The following PLB1 variants were observed in gnomAD, a reference collection of about 807,000 sequenced individuals.
PLB1 encodes phospholipase B1, membrane-associated.
PLB1 carries 242 observed loss-of-function variants against 227.4 expected under a neutral mutation model. The observed-to-expected ratio is 1.06, with a 90% CI of 0.96 to 1.18. PLB1 has a LOEUF of 1.18. Ranked by LOEUF, PLB1 falls within the 50% of genes most tolerant of loss-of-function variation. The pLI is 0.00. For missense variants in PLB1, 1,858 were observed against 1,816.3 expected (o/e 1.02, Z -0.42); for synonymous variants, 757 against 682.2 (o/e 1.11, Z -1.71).
chr2:28,524,844 C>CTTTTTTTT (rs779955635), intron 4 of PLB1, among the ~76,000 whole-genome samples: 2 of 106,598 alleles, frequency 1.9e-5, no homozygotes, highest in African/African-American at 3.9e-5. Flanking sequence ...CTCTCTCTCT[C>CTTTTTTTT]TTTTTTTTTT....
At chr2:28,601,469 CCA>C (rs3071740) in intron 37 of PLB1, 137 bp downstream of exon 37, 46,833 of 564,378 alleles carry the variant, frequency 0.083, 313 homozygotes, top group African/African-American at 0.12. Context: ...TATACACATA[CCA>C]CACACACACA....
chr2:28,550,020 A>G lies in PLB1; in HGVS notation c.1019A>G (p.Tyr340Cys), dbSNP rs77183296. ...PMKCPSQESP[Y>C]LFSYRNSNYL... ...CACCTTTCCCTGCAGGAGAGCCCCTATCTGTTCAGCTACAGAAACAGCAAC... is the reference window on the plus strand; with the variant it reads ...CACCTTTCCCTGCAGGAGAGCCCCTGTCTGTTCAGCTACAGAAACAGCAAC... Residue 340 changes from tyrosine (Y) to cysteine (C), a missense_variant, in exon 16 of 58, where the codon TAT becomes TGT. Tyr to Cys is a radical substitution (Grantham distance 194). Transcript: ENST00000327757. 1.3e-3 allele frequency: 2,129 copies of G among 1,612,902 alleles called. 24 individuals carry two copies. The African/African-American group carries it at 0.025, about 19-fold the overall frequency.
chr2:28,506,716 A>G, intron 1 of PLB1, among the ~76,000 whole-genome samples: 1 of 152,112 alleles, frequency 6.6e-6, no homozygotes, highest in East Asian at 1.9e-4. Flanking sequence ...CGCAAGTGGT[A>G]TTTTGGGCAA....
chr2:28,577,844 G>A (rs749956349), intron 21 of PLB1, among the ~76,000 whole-genome samples: 7 of 152,102 alleles, frequency 4.6e-5, no homozygotes, highest in Non-Finnish European at 1.0e-4. Context: ...CATCTCAGGG[G>A]AAACAAAAAG....
rs763545978 is a variant in PLB1, at chr2:28,566,803, G to A, written c.1288G>A (p.Gly430Arg). Residue 430 changes from glycine (G) to arginine (R), a missense_variant, in exon 20 of 58, where the codon GGA becomes AGA. Coordinates refer to ENST00000327757, the MANE Select transcript of PLB1 (RefSeq NM_153021.5). ...QYRGLSWSVG[G>R]DENIGTVTTL... is the part of the protein sequence containing the mutation. ...CTTGGACCCACGTTACAGCGTCGGC[G>A]GAGATGAGAACATCGGCACCGTTAC... 1.2e-5 allele frequency: 19 copies of A among 1,614,148 alleles called. No individual in the cohort carries two copies. The East Asian group carries it at 3.3e-4, about 28-fold the overall frequency.
chr2:28,583,086 C>T (rs909693744), intron 25 of PLB1, among the ~76,000 whole-genome samples: 16 of 152,328 alleles, frequency 1.1e-4, no homozygotes, highest in Non-Finnish European at 1.0e-4. Flanking sequence ...GACGTCTTCA[C>T]CCCTCAGCCT....
intron 26 of PLB1, among the ~76,000 whole-genome samples, chr2:28,588,285 G>A (rs909520064): frequency 2.0e-5 from 3 of 152,120 alleles, no homozygotes; most frequent in African/African-American, 7.2e-5. Flanking sequence ...CTTAAGAGAT[G>A]GCCCAGGACT....
At chr2:28,553,766 A>G (rs1371634894) in intron 17 of PLB1, among the ~76,000 whole-genome samples, 2 of 152,180 alleles carry the variant, frequency 1.3e-5, no homozygotes, top group Non-Finnish European at 2.9e-5. Context: ...AGGATTGTTG[A>G]GTGCCTCCTT....
intron 47 of PLB1, 77 bp from the exon 48 acceptor site, chr2:28,620,523 G>A: frequency 6.5e-7 from 1 of 1,534,694 alleles, no homozygotes; most frequent in South Asian, 1.2e-5. Flanking sequence ...CCCGGTTCCG[G>A]TTCTGGCTTG....
intron 17 of PLB1, among the ~76,000 whole-genome samples, chr2:28,556,304 C>T (rs1417722062): frequency 6.6e-6 from 1 of 152,186 alleles, no homozygotes; most frequent in Non-Finnish European, 1.5e-5. Flanking sequence ...ATGGCCCTGG[C>T]AACTTGGGTG....
chr2:28,561,363 A>T (rs937546351), intron 17 of PLB1, among the ~76,000 whole-genome samples: 1 of 152,218 alleles, frequency 6.6e-6, no homozygotes, highest in Non-Finnish European at 1.5e-5. Context: ...AAACAGCTTG[A>T]TGCTTCCTCA....
chr2:28,510,625 CT>C (rs11396456), intron 1 of PLB1, among the ~76,000 whole-genome samples: 10 of 118,010 alleles, frequency 8.5e-5, no homozygotes, highest in East Asian at 2.4e-4. Context: ...TTTTCTCTCT[CT>C]TTTTTTTTTT....
rs1414712964 is a variant in PLB1, at chr2:28,532,192, C to T, written c.553C>T (p.Gln185Ter). ...GTGTTACCTGTGCCCCTCTGCTCAA[C>T]AGGTAAATGGCAGCCTTGGGGACCA... Reference protein sequence around the residue: ...SQCYLCPSAQQNGLAAGGVDE... With the variant: ...SQCYLCPSAQ The change falls in exon 9 of 58, where the codon CAG (glutamine) becomes TAG (stop). Residue 185 changes from glutamine to a stop codon, truncating the protein, a stop_gained and splice_region_variant. Transcript: ENST00000327757. LOFTEE classifies it high-confidence loss of function. The T allele has an allele frequency of 6.2e-7, 1 of 1,609,614 alleles. No homozygotes were observed. Among genetic ancestry groups the T allele is most frequent in the Non-Finnish European group, 8.5e-7 (1 of 1,177,064 alleles).
At chr2:28,563,539 G>A (rs559014146) in intron 18 of PLB1, among the ~76,000 whole-genome samples, 1 of 146,852 alleles carries the variant, frequency 6.8e-6, no homozygotes, top group African/African-American at 2.5e-5. Flanking sequence ...GTGAAGAGAT[G>A]ATGAGACAGG....
chr2:28,578,411 A>G (rs932188359), intron 22 of PLB1, among the ~76,000 whole-genome samples: 2 of 152,212 alleles, frequency 1.3e-5, no homozygotes, highest in African/African-American at 4.8e-5. Flanking sequence ...CCTGTCCTCA[A>G]GGAGCTTGGA....
At chr2:28,614,273 A>G (rs111830389) in intron 44 of PLB1, among the ~76,000 whole-genome samples, 177 bp downstream of exon 44, 7 of 152,234 alleles carry the variant, frequency 4.6e-5, no homozygotes, top group African/African-American at 7.2e-5. Context: ...TTGTCCTAAC[A>G]TGTTCTCAAG....
chr2:28,615,838 A>G (rs781624873), intron 44 of PLB1, among the ~76,000 whole-genome samples: 1 of 152,244 alleles, frequency 6.6e-6, no homozygotes, highest in Non-Finnish European at 1.5e-5. Context: ...GGAAGAGCTA[A>G]AAATCCCAGA....
intron 43 of PLB1, among the ~76,000 whole-genome samples, chr2:28,607,086 C>A (rs969558756): frequency 6.6e-6 from 1 of 152,142 alleles, no homozygotes; most frequent in Non-Finnish European, 1.5e-5. Context: ...GGTGGGCCTA[C>A]CAGGACACGG....
At chr2:28,524,844 C>CTCT (rs1553405566) in intron 4 of PLB1, among the ~76,000 whole-genome samples, 16 of 106,576 alleles carry the variant, frequency 1.5e-4, no homozygotes, top group African/African-American at 4.7e-4. Flanking sequence ...CTCTCTCTCT[C>CTCT]TTTTTTTTTT....
Sources: allele counts gnomAD v4.1 joint callset (sites outside exome capture counted in the v4.1 genomes callset), GRCh38; gene constraint gnomAD v4.1.1; transcripts MANE v1.5; gene names NCBI Gene and HGNC (gene_info 2026-07-23, HGNC 2026-07-21).